The following BIK variants were observed in gnomAD, a reference collection of about 807,000 sequenced individuals.
BIK encodes BCL2 interacting killer, also known as bcl-2-interacting killer.
In BIK, 14 loss-of-function variants were observed where a neutral mutation model predicts 12.1. The ratio of observed to expected loss-of-function variants is 1.16; its 90% CI spans 0.77 to 1.81. The LOEUF (loss-of-function observed/expected upper bound fraction) is 1.81, where lower values mean the gene tolerates loss of function less well. Among genes scored for constraint, BIK ranks in the 40% most tolerant of loss-of-function variants. BIK has a pLI of 0.00. For missense variants in BIK, 215 were observed against 207.9 expected (o/e 1.03, Z -0.21); for synonymous variants, 86 against 92.3 (o/e 0.93, Z 0.39).
intron 1 of BIK, among the ~76,000 whole-genome samples, chr22:43,111,921 G>T (rs1428056599): frequency 6.6e-6 from 1 of 152,190 alleles, no homozygotes; most frequent in East Asian, 1.9e-4. Context: ...AGAAATGCCA[G>T]GGTTGTCTAG....
At chr22:43,111,906 G>A (rs1930018674) in intron 1 of BIK, among the ~76,000 whole-genome samples, 2 of 152,162 alleles carry the variant, frequency 1.3e-5, no homozygotes, top group African/African-American at 4.8e-5. Context: ...AGTCCCAGGA[G>A]GCACAGAAAT....
At chr22:43,122,665 C>T (rs536112906) in intron 1 of BIK, among the ~76,000 whole-genome samples, 37 of 152,116 alleles carry the variant, frequency 2.4e-4, no homozygotes, top group Non-Finnish European at 4.0e-4. Context: ...GCATGGGATT[C>T]GCAATGATCA....
intron 2 of BIK, among the ~76,000 whole-genome samples, chr22:43,126,208 C>G (rs575423542): frequency 7.3e-6 from 1 of 136,658 alleles, no homozygotes; most frequent in South Asian, 2.3e-4. Context: ...TTTTTTGAGA[C>G]GGAGTCTCGC....
chr22:43,114,955 C>A (rs75147633), intron 1 of BIK, among the ~76,000 whole-genome samples: 2,363 of 152,316 alleles, frequency 0.016, 78 homozygotes, highest in African/African-American at 0.054. Flanking sequence ...GAACAGCCTG[C>A]CATCGTGAGC....
At chr22:43,115,169 G>T (rs1930086828) in intron 1 of BIK, among the ~76,000 whole-genome samples, 1 of 152,218 alleles carries the variant, frequency 6.6e-6, no homozygotes, top group Admixed American at 6.5e-5. Context: ...TTTACCCAAG[G>T]TGCTGGGACA....
At chr22:43,113,274 G>A (rs1038841268) in intron 1 of BIK, among the ~76,000 whole-genome samples, 5 of 152,208 alleles carry the variant, frequency 3.3e-5, no homozygotes, top group Admixed American at 6.5e-5. Flanking sequence ...CTCTATGGCT[G>A]GATAGAGAGG....
At chr22:43,117,631 A>T (rs892111057) in intron 1 of BIK, among the ~76,000 whole-genome samples, 3 of 151,584 alleles carry the variant, frequency 2.0e-5, no homozygotes, top group Non-Finnish European at 2.9e-5. Context: ...CAACCTCCCA[A>T]AGTGCTGGGA....
intron 1 of BIK, among the ~76,000 whole-genome samples, chr22:43,117,334 G>A (rs1375915269): frequency 4.0e-5 from 6 of 151,296 alleles, no homozygotes; most frequent in Admixed American, 4.0e-4. Flanking sequence ...CTTGAAACTT[G>A]AGGAAACAAG....
At chr22:43,127,925 T>C (rs1392084167) in intron 3 of BIK, 130 bp downstream of exon 3, 3 of 890,580 alleles carry the variant, frequency 3.4e-6, no homozygotes, top group Admixed American at 2.8e-5. Flanking sequence ...ACTGGGGCTA[T>C]ACTGAAACCC....
In BIK at chr22:43,127,707, G is replaced by A; in HGVS notation, c.172G>A (p.Ala58Thr). The A allele has an allele frequency of 1.3e-6, 2 of 1,554,676 alleles. No homozygotes were observed. The highest frequency in any genetic ancestry group is 1.7e-6 in the Non-Finnish European group (2 of 1,149,572). Reference sequence around the variant, plus strand: ...GTGTGCTCCCTGCAGTGACGCATTGGCCCTGCGGCTGGCCTGCATCGGGGA... The same window carrying A: ...GTGTGCTCCCTGCAGTGACGCATTGACCCTGCGGCTGGCCTGCATCGGGGA... ...LECMEGSDAL[A>T]LRLACIGDEM... Residue 58 changes from alanine to threonine, a missense_variant, in exon 3 of 5, where the codon GCC becomes ACC. Coordinates refer to ENST00000216115, the MANE Select transcript of BIK (RefSeq NM_001197.5).
chr22:43,120,630 G>T (rs1259977253), intron 1 of BIK, among the ~76,000 whole-genome samples: 1 of 152,192 alleles, frequency 6.6e-6, no homozygotes, highest in East Asian at 1.9e-4. Flanking sequence ...GACAGGACTG[G>T]GCCTCCCTTG....
At chr22:43,127,935 C>T (rs951085982) in intron 3 of BIK, 140 bp downstream of exon 3, 3 of 845,284 alleles carry the variant, frequency 3.5e-6, no homozygotes, top group Admixed American at 2.9e-5. Context: ...TACTGAAACC[C>T]TTGGCTGCTT....
chr22:43,128,686 C>T (rs1046166493), intron 4 of BIK, 61 bp downstream of exon 4: 9 of 1,550,326 alleles, frequency 5.8e-6, no homozygotes, highest in East Asian at 4.5e-5. Flanking sequence ...CTGTCAGAGC[C>T]GCTCCTTGGG....
chr22:43,114,073 G>A (rs548986047), intron 1 of BIK, among the ~76,000 whole-genome samples: 3 of 152,290 alleles, frequency 2.0e-5, no homozygotes, highest in South Asian at 2.1e-4. Context: ...GGCAGGAGAG[G>A]GGCGGGCACA....
Position 43,129,063 on chromosome 22 carries a change from C to A in BIK, c.391-150C>A, listed in dbSNP as rs1270625443. Reference sequence around the variant, plus strand: ...GGCCACGTCCTCAGGGCCACTTTCCCCCTCTCCTGAACTCCTTCCTTCTCT... The same window carrying A: ...GGCCACGTCCTCAGGGCCACTTTCCACCTCTCCTGAACTCCTTCCTTCTCT... On this transcript the variant is annotated intron_variant, in intron 4 of 4. Transcript: ENST00000216115. 4.3e-6 allele frequency: 6 copies of A among 1,405,738 alleles called. No individual in the cohort carries two copies. The Admixed American group carries it at 1.1e-4, about 26-fold the overall frequency. The allele number at this position is 1,405,738 out of a possible 1,614,324, so 87.1% of individuals were successfully genotyped here.
intron 1 of BIK, among the ~76,000 whole-genome samples, chr22:43,113,514 T>G (rs1253227485): frequency 6.6e-6 from 1 of 151,694 alleles, no homozygotes; most frequent in Non-Finnish European, 1.5e-5. Context: ...ATGGTGCCAC[T>G]GCACTCAGCC....
intron 2 of BIK, among the ~76,000 whole-genome samples, chr22:43,124,829 T>C (rs971230145): frequency 1.3e-5 from 2 of 151,982 alleles, no homozygotes; most frequent in African/African-American, 4.8e-5. Context: ...GAGGCAGAGG[T>C]TGCAGTGACC....
chr22:43,126,188 CTTTT>C (rs549572600), intron 2 of BIK, among the ~76,000 whole-genome samples: 3 of 137,162 alleles, frequency 2.2e-5, no homozygotes, highest in African/African-American at 8.4e-5. Context: ...GCATGCCCGG[CTTTT>C]TTTTTTTTTT....
chr22:43,111,477 G>C (rs574012462), intron 1 of BIK, among the ~76,000 whole-genome samples: 48 of 152,086 alleles, frequency 3.2e-4, no homozygotes, highest in Non-Finnish European at 7.4e-5. Flanking sequence ...ACCTTGTTTG[G>C]TAAATTGGAG....
Sources: allele counts gnomAD v4.1 joint callset (sites outside exome capture counted in the v4.1 genomes callset), GRCh38; gene constraint gnomAD v4.1.1; transcripts MANE v1.5; gene names NCBI Gene and HGNC (gene_info 2026-07-23, HGNC 2026-07-21).